AGBL4: variants seen among roughly 807,000 people sequenced by gnomAD.
AGBL4 encodes the protein cytosolic carboxypeptidase 6.
A neutral mutation model predicts 66.4 loss-of-function variants in AGBL4; 58 were observed. That is an observed-to-expected ratio of 0.87 (90% CI 0.71 to 1.09). The LOEUF is 1.09. AGBL4 is among the 50% of genes least tolerant of loss of function. The pLI, the probability that AGBL4 is intolerant of heterozygous loss-of-function variation, is 0.00. For missense variants in AGBL4, 579 were observed against 631.0 expected (o/e 0.92, Z 0.88); for synonymous variants, 234 against 222.9 (o/e 1.05, Z -0.44).
At chr1:49,965,646 T>C (rs1468846565) in intron 1 of AGBL4, among the ~76,000 whole-genome samples, 1 of 152,120 alleles carries the variant, frequency 6.6e-6, no homozygotes, top group Non-Finnish European at 1.5e-5. Context: ...AAGATTAATA[T>C]AAACAGCAAA....
intron 3 of AGBL4, among the ~76,000 whole-genome samples, chr1:49,461,520 T>C (rs1242865546): frequency 6.6e-6 from 1 of 151,164 alleles, no homozygotes; most frequent in Non-Finnish European, 1.5e-5. Context: ...ATACTTTAAG[T>C]TCTGGGGTAC....
At chr1:48,634,744 T>G in intron 8 of AGBL4, 140 bp from the exon 9 acceptor site, 1 of 568,166 alleles carries the variant, frequency 1.8e-6, no homozygotes, top group Non-Finnish European at 3.0e-6. Flanking sequence ...TCTAAGTACT[T>G]TATATGAGTT....
intron 4 of AGBL4, among the ~76,000 whole-genome samples, chr1:49,144,464 G>A (rs1646177204): frequency 6.6e-6 from 1 of 151,626 alleles, no homozygotes; most frequent in African/African-American, 2.4e-5. Flanking sequence ...GAGGGGAGGG[G>A]AGGGGAGTCA....
chr1:49,775,025 G>A (rs1013530996), intron 2 of AGBL4, among the ~76,000 whole-genome samples: 1 of 151,986 alleles, frequency 6.6e-6, no homozygotes, highest in East Asian at 1.9e-4. Flanking sequence ...GAGATACACA[G>A]GCAATGTAAT....
chr1:49,916,121 A>G (rs1651453510), intron 1 of AGBL4, among the ~76,000 whole-genome samples: 1 of 152,204 alleles, frequency 6.6e-6, no homozygotes, highest in African/African-American at 2.4e-5. Context: ...AGATAAAACC[A>G]CAAAGATGGG....
At chr1:49,175,587 C>T (rs936694406) in intron 4 of AGBL4, among the ~76,000 whole-genome samples, 4 of 152,164 alleles carry the variant, frequency 2.6e-5, no homozygotes, top group Middle Eastern at 3.4e-3. Context: ...ATAAGAACAT[C>T]GGAATACAGG....
At chr1:48,734,032 G>A (rs1055272771) in intron 6 of AGBL4, among the ~76,000 whole-genome samples, 1 of 152,192 alleles carries the variant, frequency 6.6e-6, no homozygotes, top group African/African-American at 2.4e-5. Context: ...AGAATTAGAG[G>A]TCGGTCACCT....
chr1:49,090,867 A>G (rs1557632683), intron 4 of AGBL4, among the ~76,000 whole-genome samples: 1 of 152,222 alleles, frequency 6.6e-6, no homozygotes. Flanking sequence ...GCAAAACAGC[A>G]TGGTACTGGT....
At chr1:48,617,658 T>C (rs992946379) in intron 9 of AGBL4, among the ~76,000 whole-genome samples, 8 of 152,188 alleles carry the variant, frequency 5.3e-5, no homozygotes, top group African/African-American at 1.2e-4. Context: ...TCTACCTTTT[T>C]TCTGTCCTAC....
rs571181136 is a variant in AGBL4 at position 49,445,491 on chromosome 1, T to A, written c.283-199627A>T. Among the ~76,000 whole-genome samples the A allele has an allele frequency of 8.5e-5, 13 of 152,272 alleles. 1 individual carries two copies. In the South Asian group the frequency reaches 2.7e-3, roughly 32 times the overall value. On this transcript the variant is annotated intron_variant, in intron 3 of 13. Coordinates refer to ENST00000371839, the MANE Select transcript of AGBL4 (RefSeq NM_032785.4). ...GGATGCCAACAATTTGAGTATTCAA[T>A]TGTTTTATGTTATCTGAAATATCAC...
intron 9 of AGBL4, among the ~76,000 whole-genome samples, chr1:48,598,194 G>A (rs1356449717): frequency 6.6e-6 from 1 of 152,122 alleles, no homozygotes; most frequent in African/African-American, 2.4e-5. Context: ...TTTTAACAGG[G>A]GAATACTGAA....
At chr1:49,681,740 T>G (rs1226382632) in intron 3 of AGBL4, among the ~76,000 whole-genome samples, 1 of 152,210 alleles carries the variant, frequency 6.6e-6, no homozygotes, top group Non-Finnish European at 1.5e-5. Context: ...GTTTCTACAT[T>G]GCAAATTAAG....
intron 4 of AGBL4, among the ~76,000 whole-genome samples, chr1:49,186,703 T>C (rs959860537): frequency 2.6e-5 from 4 of 152,348 alleles, no homozygotes; most frequent in South Asian, 2.1e-4. Context: ...GGAAGCCTTC[T>C]TGAAGGACAA....
intron 6 of AGBL4, among the ~76,000 whole-genome samples, chr1:48,771,027 C>T (rs1644799524): frequency 6.6e-6 from 1 of 152,170 alleles, no homozygotes; most frequent in African/African-American, 2.4e-5. Flanking sequence ...CTCTATCTCA[C>T]AAGGATGTAG....
intron 1 of AGBL4, among the ~76,000 whole-genome samples, chr1:49,971,544 T>C (rs554259238): frequency 5.3e-5 from 8 of 152,120 alleles, no homozygotes; most frequent in Non-Finnish European, 1.0e-4. Flanking sequence ...AGAAATCACA[T>C]GGTGAGGTCA....
intron 1 of AGBL4, among the ~76,000 whole-genome samples, chr1:49,856,743 G>A (rs1422838559): frequency 6.6e-6 from 1 of 151,794 alleles, no homozygotes; most frequent in African/African-American, 2.4e-5. Context: ...CACAATAAAG[G>A]CAATATATGA....
intron 6 of AGBL4, among the ~76,000 whole-genome samples, chr1:48,828,883 T>C (rs952632101): frequency 3.3e-5 from 5 of 152,214 alleles, no homozygotes. Flanking sequence ...GTAGATCATT[T>C]GCAAACCTTG....
chr1:49,560,035 C>T (rs1643997665), intron 3 of AGBL4, among the ~76,000 whole-genome samples: 1 of 152,026 alleles, frequency 6.6e-6, no homozygotes, highest in Admixed American at 6.6e-5. Context: ...AACAGTGAAG[C>T]CTGCAATGAA....
At position 49,976,871 on chromosome 1, in the gene AGBL4, C is replaced by T. The variant is rs1658600944; in HGVS notation, c.34+46892G>A. Among the ~76,000 whole-genome samples, 3 of 152,196 alleles carry T rather than the reference C, an allele frequency of 2.0e-5. No homozygotes were observed. The South Asian group carries it at 6.2e-4, about 31-fold the overall frequency. On this transcript the variant is annotated intron_variant, in intron 1 of 13. Coordinates refer to ENST00000371839, the MANE Select transcript of AGBL4 (RefSeq NM_032785.4). ...TCTTCTAAAACCATCTCCTCCATCC[C>T]TCTAAATAGTATGTATCCATCTCAA...
Sources: gnomAD v4.1 joint callset for allele counts (sites outside exome capture counted in the v4.1 genomes callset) on GRCh38, gnomAD v4.1.1 for gene constraint, MANE v1.5 for transcripts, NCBI Gene and HGNC (gene_info 2026-07-23, HGNC 2026-07-21) for gene names.